The following ALDH9A1 variants were observed in gnomAD, a reference collection of about 807,000 sequenced individuals.
ALDH9A1 encodes the protein 4-trimethylaminobutyraldehyde dehydrogenase.
A neutral mutation model predicts 56.6 loss-of-function variants in ALDH9A1; 42 were observed. The ratio of observed to expected loss-of-function variants is 0.74; its 90% CI spans 0.58 to 0.96. The LOEUF (loss-of-function observed/expected upper bound fraction) is 0.96, where lower values mean the gene tolerates loss of function less well. Ranked by LOEUF, ALDH9A1 falls within the 40% of genes least tolerant of loss-of-function variation. The pLI is 0.00. For missense variants in ALDH9A1, 661 were observed against 651.5 expected (o/e 1.01, Z -0.16); for synonymous variants, 242 against 236.0 (o/e 1.03, Z -0.23).
intron 2 of ALDH9A1, among the ~76,000 whole-genome samples, chr1:165,690,666 G>A (rs1649859135): frequency 1.3e-5 from 2 of 152,132 alleles, no homozygotes; most frequent in Admixed American, 1.3e-4. Context: ...CCCTAATACT[G>A]CGCTTTTCCA....
chr1:165,675,493 G>A (rs1020928717), intron 6 of ALDH9A1, among the ~76,000 whole-genome samples: 11 of 152,080 alleles, frequency 7.2e-5, no homozygotes, highest in African/African-American at 2.7e-4. Context: ...AACACAGGAA[G>A]CAAAAACCAG....
intron 5 of ALDH9A1, 56 bp downstream of exon 5, chr1:165,680,431 C>A: frequency 2.5e-6 from 4 of 1,570,332 alleles, no homozygotes; most frequent in Non-Finnish European, 3.5e-6. Flanking sequence ...TGGGTAGGAC[C>A]GGATTTGCCA....
chr1:165,681,148 G>C (rs1040050894), intron 4 of ALDH9A1, among the ~76,000 whole-genome samples: 21 of 152,192 alleles, frequency 1.4e-4, no homozygotes. Context: ...TTCAAGTTGA[G>C]ATTTGGGTGG....
At chr1:165,673,611 T>G (rs1382278699) in intron 6 of ALDH9A1, among the ~76,000 whole-genome samples, 1 of 152,132 alleles carries the variant, frequency 6.6e-6, no homozygotes, top group African/African-American at 2.4e-5. Flanking sequence ...ACTCTGGATA[T>G]CACCTTTTGT....
chr1:165,664,723 G>A (rs753327562), intron 10 of ALDH9A1, among the ~76,000 whole-genome samples: 8 of 152,200 alleles, frequency 5.3e-5, no homozygotes, highest in East Asian at 1.9e-4. Context: ...GTCACAGGCT[G>A]TGAAGAAAAA....
chr1:165,680,482 C>T lies in ALDH9A1; in HGVS notation c.789+5G>A, dbSNP rs12139219. 6.2e-6 allele frequency: 10 copies of T among 1,613,672 alleles called. No individual in the cohort carries two copies. Among genetic ancestry groups the T allele is most frequent in the Non-Finnish European group, 7.6e-6 (9 of 1,179,882 alleles). ...TGTGTTGACCAATACTGGTTTTGTC[C>T]TCACCTTCATGCCAGTGGGCACACT... On this transcript the variant is annotated splice_donor_5th_base_variant and intron_variant, in intron 5 of 10. Coordinates refer to ENST00000354775, the MANE Select transcript of ALDH9A1 (RefSeq NM_000696.4).
chr1:165,679,538 T>G lies in ALDH9A1; in HGVS notation c.834A>C (p.Glu278Asp). 1 of 1,614,184 alleles carries G rather than the reference T, an allele frequency of 6.2e-7. No individual in the cohort carries two copies. Residue 278 changes from glutamate to aspartate, a missense_variant, in exon 6 of 11, where the codon GAA becomes GAC. Coordinates refer to ENST00000354775, the MANE Select transcript of ALDH9A1 (RefSeq NM_000696.4). ...SAKGIKPVTL[E>D]LGGKSPLIIF... is the part of the protein sequence containing the mutation. ...TGATGAGTGGAGATTTGCCTCCAAGTTCCAAGGTAACAGGTTTGATTCCTT... is the reference window on the plus strand; with the variant it reads ...TGATGAGTGGAGATTTGCCTCCAAGGTCCAAGGTAACAGGTTTGATTCCTT...
chr1:165,679,765 C>G (rs116369151), intron 5 of ALDH9A1, among the ~76,000 whole-genome samples, 183 bp from the exon 6 acceptor site: 165 of 152,314 alleles, frequency 1.1e-3, no homozygotes, highest in African/African-American at 3.8e-3. Flanking sequence ...AGAGAATCCA[C>G]AGAGTTGCAC....
At chr1:165,673,098 T>C (rs573357456) in intron 6 of ALDH9A1, among the ~76,000 whole-genome samples, 179 of 117,912 alleles carry the variant, frequency 1.5e-3, no homozygotes, top group African/African-American at 5.5e-3. Context: ...CACTATTCAA[T>C]TGCAAAAAAA....
chr1:165,689,987 C>T (rs868215845), intron 2 of ALDH9A1, among the ~76,000 whole-genome samples: 1 of 147,094 alleles, frequency 6.8e-6, no homozygotes, highest in Non-Finnish European at 1.5e-5. Flanking sequence ...ATTGCTATGG[C>T]TGCTGCATTT....
At chr1:165,680,431 C>G in intron 5 of ALDH9A1, 56 bp downstream of exon 5, 1 of 1,570,332 alleles carries the variant, frequency 6.4e-7, no homozygotes, top group Non-Finnish European at 8.7e-7. Context: ...TGGGTAGGAC[C>G]GGATTTGCCA....
intron 6 of ALDH9A1, among the ~76,000 whole-genome samples, chr1:165,674,727 G>A (rs1371354657): frequency 2.7e-5 from 4 of 150,692 alleles, no homozygotes; most frequent in Admixed American, 6.6e-5. Flanking sequence ...ACCATCCTAT[G>A]ATTCAGCAAT....
chr1:165,663,180 C>T (rs746227809), intron 10 of ALDH9A1, 36 bp from the exon 11 acceptor site: 1 of 1,529,556 alleles, frequency 6.5e-7, no homozygotes, highest in Non-Finnish European at 9.1e-7. Flanking sequence ...TGAGCCATCA[C>T]TACAATAGTC....
At chr1:165,689,204 G>A (rs954680195) in intron 2 of ALDH9A1, among the ~76,000 whole-genome samples, 1 of 152,118 alleles carries the variant, frequency 6.6e-6, no homozygotes, top group African/African-American at 2.4e-5. Flanking sequence ...ATACTTCGTT[G>A]GGAGAAAATT....
At chr1:165,694,488 A>C (rs2101759409) in intron 2 of ALDH9A1, among the ~76,000 whole-genome samples, 1 of 143,462 alleles carries the variant, frequency 7.0e-6, no homozygotes, top group East Asian at 2.1e-4. Context: ...TTATGATGTA[A>C]AAAAAAAGTT....
intron 2 of ALDH9A1, among the ~76,000 whole-genome samples, chr1:165,692,046 C>T (rs1490618792): frequency 1.3e-5 from 2 of 152,178 alleles, no homozygotes; most frequent in East Asian, 1.9e-4. Context: ...TCTCAATATA[C>T]TAGGTATTGA....
intron 2 of ALDH9A1, among the ~76,000 whole-genome samples, chr1:165,687,883 G>A (rs751740885): frequency 6.6e-6 from 1 of 152,080 alleles, no homozygotes; most frequent in Non-Finnish European, 1.5e-5. Flanking sequence ...AGCTACTCGG[G>A]AGGCTGAGGC....
chr1:165,683,418 G>A (rs1649615512), intron 2 of ALDH9A1, among the ~76,000 whole-genome samples: 1 of 152,196 alleles, frequency 6.6e-6, no homozygotes, highest in Non-Finnish European at 1.5e-5. Context: ...GAAAGTCACA[G>A]GGCAGGCCCA....
Position 165,679,486 on chromosome 1 carries a change from C to T in ALDH9A1, c.886G>A (p.Ala296Thr), listed in dbSNP as rs1454151152. 1.9e-6 allele frequency: 3 copies of T among 1,614,050 alleles called. No homozygotes were observed. Among genetic ancestry groups the T allele is most frequent in the African/African-American group, 1.3e-5 (1 of 74,924 alleles). The change falls in exon 6 of 11, where the codon GCT becomes ACT. Residue 296 changes from alanine to threonine, a missense_variant. Transcript: ENST00000354775. ...IIFSDCDMNN[A>T]VKGALMANFL... Reference sequence around the variant, plus strand: ...TTGGCCATCAGCGCCCCCTTTACAGCATTGTTCATATCACAGTCTGAGAAG... The same window carrying T: ...TTGGCCATCAGCGCCCCCTTTACAGTATTGTTCATATCACAGTCTGAGAAG...
Sources: allele counts gnomAD v4.1 joint callset (sites outside exome capture counted in the v4.1 genomes callset), GRCh38; gene constraint gnomAD v4.1.1; transcripts MANE v1.5; gene names NCBI Gene and HGNC (gene_info 2026-07-23, HGNC 2026-07-21).